Variants in TLE4 observed in about 807,000 individuals in gnomAD.
TLE4 encodes TLE family member 4, transcriptional corepressor, also known as transducin-like enhancer protein 4.
In TLE4, 8 loss-of-function variants were observed where a neutral mutation model predicts 92.8. The observed-to-expected ratio is 0.09, with a 90% CI of 0.05 to 0.16. The LOEUF (loss-of-function observed/expected upper bound fraction) is 0.16, where lower values mean the gene tolerates loss of function less well. Among genes scored for constraint, TLE4 ranks in the 10% least tolerant of loss-of-function variants. The pLI is 1.00. For synonymous variants in TLE4, 371 were observed against 374.1 expected (o/e 0.99, Z 0.10); for missense variants, 675 against 997.6 (o/e 0.68, Z 4.36).
chr9:79,610,327 A>G (rs1000480956), intron 4 of TLE4, among the ~76,000 whole-genome samples: 1 of 152,084 alleles, frequency 6.6e-6, no homozygotes, highest in Non-Finnish European at 1.5e-5. Flanking sequence ...TCAGTTTCAA[A>G]ACATAGGCCA....
chr9:79,624,623 G>A (rs1052941946), intron 5 of TLE4, among the ~76,000 whole-genome samples: 1 of 152,202 alleles, frequency 6.6e-6, no homozygotes, highest in African/African-American at 2.4e-5. Flanking sequence ...GGCTGTCAGA[G>A]TTATGGCTCA....
chr9:79,707,906 G>C (rs573951940), intron 11 of TLE4, among the ~76,000 whole-genome samples: 3 of 152,246 alleles, frequency 2.0e-5, no homozygotes, highest in Admixed American at 1.3e-4. Flanking sequence ...TCTAAATTCA[G>C]CTTCAGTTTA....
intron 3 of TLE4, 185 bp from the exon 4 acceptor site, chr9:79,575,948 G>C (rs764565771): frequency 7.4e-6 from 3 of 406,882 alleles, no homozygotes. Context: ...TTTTCTCTTA[G>C]AATTTGTGTC....
chr9:79,579,855 C>T (rs773888638), intron 4 of TLE4, among the ~76,000 whole-genome samples: 7 of 151,972 alleles, frequency 4.6e-5, no homozygotes, highest in Admixed American at 6.6e-5. Context: ...CCTCTTTGGT[C>T]GATGGTAAAT....
chr9:79,632,475 G>A (rs532040144), intron 6 of TLE4, among the ~76,000 whole-genome samples: 7 of 152,008 alleles, frequency 4.6e-5, no homozygotes, highest in South Asian at 2.1e-4. Context: ...CCACTTTCCC[G>A]GCAGACACTT....
chr9:79,633,757 A>G (rs545204216), intron 6 of TLE4, among the ~76,000 whole-genome samples: 3 of 152,308 alleles, frequency 2.0e-5, no homozygotes, highest in African/African-American at 7.2e-5. Flanking sequence ...TGTTTCCACA[A>G]GCAGCATCAC....
chr9:79,594,287 C>A (rs552487045), intron 4 of TLE4, among the ~76,000 whole-genome samples: 3 of 152,278 alleles, frequency 2.0e-5, no homozygotes, highest in South Asian at 4.1e-4. Context: ...GTCCACTGAC[C>A]ACATTTTGAG....
chr9:79,643,213 G>T (rs755946208), intron 6 of TLE4, among the ~76,000 whole-genome samples: 6 of 152,092 alleles, frequency 3.9e-5, no homozygotes, highest in Non-Finnish European at 7.4e-5. Context: ...CGTCACTTTT[G>T]TTTTCTGTCT....
At chr9:79,682,773 G>T (rs1291508853) in intron 8 of TLE4, among the ~76,000 whole-genome samples, 1 of 152,180 alleles carries the variant, frequency 6.6e-6, no homozygotes, top group Non-Finnish European at 1.5e-5. Context: ...GTGGTAAAAT[G>T]ACTCTTGGTT....
At chr9:79,722,872 G>T (rs988153502) in intron 18 of TLE4, 87 bp from the exon 19 acceptor site, 4 of 1,252,578 alleles carry the variant, frequency 3.2e-6, no homozygotes, top group Non-Finnish European at 1.1e-6. Context: ...TGAGTTTTCT[G>T]TTAATAGTTT....
Position 79,572,088 on chromosome 9 carries a change from TAAA to T in TLE4, c.-695_-693del, listed in dbSNP as rs1021967227. ...CGCAGAGTTTGAAAGGAGAGAGAATTAAAAAAAAAAGCCGCAAGCGTTTCACTC... is the reference window on the plus strand; with the variant it reads ...CGCAGAGTTTGAAAGGAGAGAGAATTAAAAAAAGCCGCAAGCGTTTCACTC... On this transcript the variant is annotated 5_prime_UTR_variant, in exon 1 of 20. Coordinates refer to ENST00000376552, the MANE Select transcript of TLE4 (RefSeq NM_007005.6). 2.1e-5 allele frequency: 3 copies of T among 146,012 alleles called. No homozygotes were observed. The highest frequency in any genetic ancestry group is 1.4e-4 in the Admixed American group (2 of 14,694). 9.0% of individuals were successfully genotyped at this position (146,012 alleles called of 1,614,324 possible).
chr9:79,637,638 A>G (rs150400884), intron 6 of TLE4, among the ~76,000 whole-genome samples: 305 of 152,298 alleles, frequency 2.0e-3, no homozygotes, highest in Non-Finnish European at 3.6e-3. Context: ...TATTAGTTCC[A>G]CAGGTCAGTT....
chr9:79,600,697 AGCCT>A (rs1564284627), intron 4 of TLE4, among the ~76,000 whole-genome samples: 2 of 152,174 alleles, frequency 1.3e-5, no homozygotes, highest in African/African-American at 4.8e-5. Flanking sequence ...GGATTTGAAT[AGCCT>A]GTTCTCTCTA....
intron 8 of TLE4, among the ~76,000 whole-genome samples, chr9:79,684,600 C>T (rs1418964535): frequency 2.6e-5 from 4 of 152,162 alleles, no homozygotes; most frequent in African/African-American, 7.2e-5. Context: ...TACCGCCACC[C>T]CACCTCCGTC....
intron 6 of TLE4, among the ~76,000 whole-genome samples, chr9:79,646,411 C>T (rs746153259): frequency 2.6e-5 from 4 of 152,122 alleles, no homozygotes; most frequent in African/African-American, 4.8e-5. Context: ...AAACCTTACT[C>T]CTTTTCCAGG....
Position 79,603,941 on chromosome 9 carries a change from A to G in TLE4, c.253-8715A>G, listed in dbSNP as rs114842781. 8.2e-3 allele frequency among the ~76,000 whole-genome samples: 1,253 copies of G among 152,312 alleles called. 21 individuals are homozygous for G. The highest frequency in any genetic ancestry group is 0.028 in the African/African-American group (1,153 of 41,570). ...CATCACCTTAAAATTTGTTGGAAGT[A>G]TAGACTCTGAGGCCCTTTTCCAATT... On this transcript the variant is annotated intron_variant, in intron 4 of 19. Transcript: ENST00000376552.
rs139131034 is a variant in TLE4 at position 79,630,615 on chromosome 9, A to G, written c.390+3167A>G. Among the ~76,000 whole-genome samples the G allele has an allele frequency of 7.0e-3, 1,058 of 152,114 alleles. 15 individuals are homozygous for G. Among genetic ancestry groups the G allele is most frequent in the African/African-American group, 0.024 (975 of 41,458 alleles). ...GTCCTGCTAGCCACTGTGTTTTTAAATTAGAATCTCTGCGAGATCACACTG... is the reference window on the plus strand; with the variant it reads ...GTCCTGCTAGCCACTGTGTTTTTAAGTTAGAATCTCTGCGAGATCACACTG... On this transcript the variant is annotated intron_variant, in intron 6 of 19. Coordinates refer to ENST00000376552, the MANE Select transcript of TLE4 (RefSeq NM_007005.6).
intron 15 of TLE4, among the ~76,000 whole-genome samples, chr9:79,719,610 C>T (rs1031659874): frequency 2.6e-5 from 4 of 152,114 alleles, no homozygotes; most frequent in African/African-American, 9.7e-5. Context: ...AACAGACTGC[C>T]AGGGATCTAC....
chr9:79,666,411 T>C (rs907035166), intron 8 of TLE4, among the ~76,000 whole-genome samples: 9 of 151,962 alleles, frequency 5.9e-5, no homozygotes, highest in Admixed American at 4.6e-4. Flanking sequence ...TTGTTTTTGG[T>C]ATTTTTTAGT....
Sources: gnomAD v4.1 joint callset for allele counts (sites outside exome capture counted in the v4.1 genomes callset) on GRCh38, gnomAD v4.1.1 for gene constraint, MANE v1.5 for transcripts, NCBI Gene and HGNC (gene_info 2026-07-23, HGNC 2026-07-21) for gene names.